Variants in SIAH3 observed in about 807,000 individuals in gnomAD.
The protein encoded by SIAH3 is siah E3 ubiquitin protein ligase family member 3.
In SIAH3, 9 loss-of-function variants were observed where a neutral mutation model predicts 12.6. The observed-to-expected ratio is 0.72, with a 90% CI of 0.43 to 1.25. SIAH3 has a LOEUF of 1.25. SIAH3 is among the 50% of genes most tolerant of loss of function. The pLI is 0.00. For missense variants in SIAH3, 390 were observed against 365.4 expected (o/e 1.07, Z -0.55); for synonymous variants, 154 against 151.1 (o/e 1.02, Z -0.14).
intron 1 of SIAH3, among the ~76,000 whole-genome samples, chr13:45,809,130 G>A (rs1281396580): frequency 2.0e-5 from 3 of 152,154 alleles, no homozygotes; most frequent in Non-Finnish European, 2.9e-5. Flanking sequence ...CTGAGGCTGC[G>A]CTGCATAACC....
intron 1 of SIAH3, among the ~76,000 whole-genome samples, chr13:45,787,164 T>C (rs1211687615): frequency 2.0e-5 from 3 of 151,962 alleles, no homozygotes; most frequent in Non-Finnish European, 4.4e-5. Context: ...CTAGGTCAGG[T>C]GGATGGGTGA....
At chr13:45,830,034 G>C (rs1950692940) in intron 1 of SIAH3, among the ~76,000 whole-genome samples, 1 of 152,172 alleles carries the variant, frequency 6.6e-6, no homozygotes, top group South Asian at 2.1e-4. Context: ...TAAGCCAATA[G>C]GCTGTTAAAT....
intron 1 of SIAH3, among the ~76,000 whole-genome samples, chr13:45,784,398 G>GTTTTTT (rs35686357): frequency 2.7e-4 from 18 of 65,832 alleles, no homozygotes; most frequent in African/African-American, 6.5e-4. Flanking sequence ...AAAGACAGCT[G>GTTTTTT]TTTTTTTTTT....
chr13:45,792,907 A>G (rs1950550812), intron 1 of SIAH3, among the ~76,000 whole-genome samples: 1 of 152,186 alleles, frequency 6.6e-6, no homozygotes, highest in Non-Finnish European at 1.5e-5. Flanking sequence ...TCAATCTTGT[A>G]GATGAAAGAC....
Position 45,781,604 on chromosome 13 carries a change from C to T in SIAH3, c.*1779G>A, listed in dbSNP as rs1950504161. ...AATGTTTTTTGCCCCTCTCAGGGCT[C>T]TGACGGAATGCAGTCTCAGCCCCAG... On this transcript the variant is annotated 3_prime_UTR_variant, in exon 2 of 2. Coordinates refer to ENST00000400405, the MANE Select transcript of SIAH3 (RefSeq NM_198849.3). 1 of 152,250 alleles carries T rather than the reference C, an allele frequency of 6.6e-6. No individual in the cohort carries two copies. Among genetic ancestry groups the T allele is most frequent in the Admixed American group, 6.5e-5 (1 of 15,284 alleles). 9.4% of individuals were successfully genotyped at this position (152,250 alleles called of 1,614,324 possible).
chr13:45,811,105 G>A (rs1242662729), intron 1 of SIAH3, among the ~76,000 whole-genome samples: 1 of 152,204 alleles, frequency 6.6e-6, no homozygotes, highest in East Asian at 1.9e-4. Flanking sequence ...ACCTCTCAGA[G>A]TGTCATTTGT....
intron 1 of SIAH3, among the ~76,000 whole-genome samples, chr13:45,808,215 G>A (rs1024674600): frequency 2.0e-5 from 3 of 152,170 alleles, no homozygotes; most frequent in African/African-American, 7.2e-5. Flanking sequence ...TGAAGAAAAT[G>A]TTAATAAGGG....
intron 1 of SIAH3, among the ~76,000 whole-genome samples, chr13:45,824,425 A>T (rs1329444199): frequency 6.6e-6 from 1 of 152,216 alleles, no homozygotes; most frequent in Non-Finnish European, 1.5e-5. Flanking sequence ...ATAACAGAAT[A>T]TTCAAAGTGG....
At chr13:45,833,733 G>A (rs1472355714) in intron 1 of SIAH3, among the ~76,000 whole-genome samples, 2 of 152,170 alleles carry the variant, frequency 1.3e-5, no homozygotes, top group Non-Finnish European at 2.9e-5. Context: ...TCAGAAAGGG[G>A]ACATGACCTG....
chr13:45,815,083 A>ATTTT lies in SIAH3; in HGVS notation c.136-31030_136-31027dup, dbSNP rs58472474. On this transcript the variant is annotated intron_variant, in intron 1 of 1. Coordinates refer to ENST00000400405, the MANE Select transcript of SIAH3 (RefSeq NM_198849.3). ...TTCTGCACCAACCTAATAGACCTTCATTTTTTTTTTTTTTTTAATCAACCA... is the reference window on the plus strand; with the variant it reads ...TTCTGCACCAACCTAATAGACCTTCATTTTTTTTTTTTTTTTTTTTAATCAACCA... Among the ~76,000 whole-genome samples, 145 of 132,346 alleles carry ATTTT rather than the reference A, an allele frequency of 1.1e-3. 1 individual carries two copies. In the Middle Eastern group the frequency reaches 0.026, roughly 24 times the overall value. 86.8% of individuals were successfully genotyped at this position (132,346 alleles called of 152,430 possible).
intron 1 of SIAH3, among the ~76,000 whole-genome samples, chr13:45,850,114 G>A (rs989910531): frequency 1.3e-4 from 20 of 152,212 alleles, no homozygotes; most frequent in African/African-American, 4.8e-4. Context: ...GGTTGCATGC[G>A]ATGGCATTCG....
intron 1 of SIAH3, among the ~76,000 whole-genome samples, chr13:45,802,674 C>CT (rs1488818218): frequency 6.6e-6 from 1 of 152,014 alleles, no homozygotes; most frequent in Non-Finnish European, 1.5e-5. Context: ...CTTGGTGAGA[C>CT]TTATGAAGCC....
intron 1 of SIAH3, among the ~76,000 whole-genome samples, chr13:45,821,179 G>A (rs541621923): frequency 2.0e-5 from 3 of 152,310 alleles, no homozygotes; most frequent in Admixed American, 6.5e-5. Context: ...TGTAAAAAGT[G>A]GAATTTGGAG....
chr13:45,833,939 G>T (rs1427440796), intron 1 of SIAH3, among the ~76,000 whole-genome samples: 1 of 151,660 alleles, frequency 6.6e-6, no homozygotes, highest in Non-Finnish European at 1.5e-5. Flanking sequence ...CTTTTGGCTG[G>T]TCTTCTCAGA....
intron 1 of SIAH3, among the ~76,000 whole-genome samples, chr13:45,786,845 T>C (rs1393074393): frequency 6.6e-6 from 1 of 152,198 alleles, no homozygotes; most frequent in Admixed American, 6.5e-5. Flanking sequence ...GTCCCAGTGC[T>C]GACCTGTGAG....
intron 1 of SIAH3, among the ~76,000 whole-genome samples, chr13:45,794,657 C>T (rs891250266): frequency 1.3e-5 from 2 of 152,202 alleles, no homozygotes; most frequent in Non-Finnish European, 2.9e-5. Flanking sequence ...TTGCCTGCCA[C>T]CATGTAAGAC....
At chr13:45,821,999 C>G (rs765806211) in intron 1 of SIAH3, among the ~76,000 whole-genome samples, 1 of 152,166 alleles carries the variant, frequency 6.6e-6, no homozygotes, top group Non-Finnish European at 1.5e-5. Flanking sequence ...GGGAATGCTT[C>G]ACACCTGTGG....
At chr13:45,843,516 C>G (rs1009617876) in intron 1 of SIAH3, among the ~76,000 whole-genome samples, 14 of 152,170 alleles carry the variant, frequency 9.2e-5, no homozygotes, top group Admixed American at 2.6e-4. Context: ...GCTCCTGGCT[C>G]TGTGAATGAC....
chr13:45,807,648 G>A (rs1950602591), intron 1 of SIAH3, among the ~76,000 whole-genome samples: 1 of 152,184 alleles, frequency 6.6e-6, no homozygotes, highest in African/African-American at 2.4e-5. Context: ...AGAAGACTCA[G>A]TGTAAAAAAG....
Sources: gnomAD v4.1 joint callset for allele counts (sites outside exome capture counted in the v4.1 genomes callset) on GRCh38, gnomAD v4.1.1 for gene constraint, MANE v1.5 for transcripts, NCBI Gene and HGNC (gene_info 2026-07-23, HGNC 2026-07-21) for gene names.